The following KLF13 variants were observed in gnomAD, a reference collection of about 807,000 sequenced individuals.
KLF13 encodes Krueppel-like factor 13.
A neutral mutation model predicts 16.7 loss-of-function variants in KLF13; 8 were observed. That is an observed-to-expected ratio of 0.48 (90% CI 0.28 to 0.87). KLF13 has a LOEUF of 0.87. Among genes scored for constraint, KLF13 ranks in the 40% least tolerant of loss-of-function variants. The pLI, the probability that KLF13 is intolerant of heterozygous loss-of-function variation, is 0.10. For missense variants in KLF13, 447 were observed against 452.2 expected (o/e 0.99, Z 0.10); for synonymous variants, 245 against 208.4 (o/e 1.18, Z -1.51).
Position 31,327,551 on chromosome 15 carries a change from G to A in KLF13, c.339G>A (p.Ala113=), listed in dbSNP as rs2140924782. ...PEPTSPGAEG[A]AAAPPSPAWS... ...CCACCTCCCCCGGCGCCGAAGGCGC[G>A]GCGGCCGCGCCCCCCAGCCCGGCGT... The change falls in exon 1 of 2, where the codon GCG becomes GCA. Residue 113 remains alanine, a synonymous_variant. Transcript: ENST00000307145. The A allele has an allele frequency of 1.8e-6, 2 of 1,112,802 alleles. No individual in the cohort carries two copies. Among genetic ancestry groups the A allele is most frequent in the Non-Finnish European group, 2.2e-6 (2 of 910,804 alleles). 68.9% of individuals were successfully genotyped at this position (1,112,802 alleles called of 1,614,324 possible).
At chr15:31,392,130 G>A (rs910579400), upstream of KLF13, among the ~76,000 whole-genome samples, 1 of 152,110 alleles carries the variant, frequency 6.6e-6, no homozygotes, top group Non-Finnish European at 1.5e-5. Context: ...AGGCCCTCGC[G>A]GCCGCCGCAG....
chr15:31,353,573 T>G (rs2039250919), intron 1 of KLF13, among the ~76,000 whole-genome samples: 1 of 152,246 alleles, frequency 6.6e-6, no homozygotes, highest in African/African-American at 2.4e-5. Flanking sequence ...GAGAACAAGC[T>G]GTTGTCCTCA....
intron 1 of KLF13, among the ~76,000 whole-genome samples, chr15:31,424,196 T>TA (rs1291455272): frequency 6.6e-6 from 1 of 152,044 alleles, no homozygotes; most frequent in Non-Finnish European, 1.5e-5. Flanking sequence ...GCAAACTTTT[T>TA]AAAAAATTGA....
intron 1 of KLF13, among the ~76,000 whole-genome samples, chr15:31,328,328 C>T (rs2038759244): frequency 1.3e-5 from 2 of 151,910 alleles, no homozygotes; most frequent in African/African-American, 4.8e-5. Context: ...GCACATTCTT[C>T]GCTCTCTTCT....
intron 1 of KLF13, among the ~76,000 whole-genome samples, chr15:31,348,098 T>C (rs1458954367): frequency 6.6e-6 from 1 of 152,202 alleles, no homozygotes; most frequent in Non-Finnish European, 1.5e-5. Context: ...CCCCAGGTGT[T>C]CTTGCTGGTG....
intron 1 of KLF13, among the ~76,000 whole-genome samples, chr15:31,418,400 T>A (rs2040281764): frequency 6.6e-6 from 1 of 152,088 alleles, no homozygotes; most frequent in Non-Finnish European, 1.5e-5. Context: ...ATTAATGACA[T>A]AGAAAACAAA....
chr15:31,344,121 T>C (rs568954851), intron 1 of KLF13, among the ~76,000 whole-genome samples: 69 of 152,226 alleles, frequency 4.5e-4, no homozygotes, highest in African/African-American at 1.5e-3. Context: ...ACTTAGCAGC[T>C]ACCTCCTGCT....
chr15:31,360,866 T>G (rs1269752201), intron 1 of KLF13, among the ~76,000 whole-genome samples: 3 of 152,194 alleles, frequency 2.0e-5, no homozygotes, highest in Non-Finnish European at 4.4e-5. Flanking sequence ...CTTGCCACAT[T>G]TTTCCTGAGA....
chr15:31,366,458 T>C (rs576738746), intron 1 of KLF13: 1 of 152,394 alleles, frequency 6.6e-6, no homozygotes, highest in East Asian at 1.9e-4. Flanking sequence ...GGAGTGACTC[T>C]GAGATCCGGC....
chr15:31,425,685 T>G (rs2040392115), intron 1 of KLF13, among the ~76,000 whole-genome samples: 1 of 152,300 alleles, frequency 6.6e-6, no homozygotes, highest in African/African-American at 2.4e-5. Flanking sequence ...GAGAGCAGCC[T>G]GGCCAACATG....
intron 1 of KLF13, among the ~76,000 whole-genome samples, chr15:31,333,360 G>A (rs140377499): frequency 6.6e-6 from 1 of 152,306 alleles, no homozygotes; most frequent in Non-Finnish European, 1.5e-5. Context: ...TGCCACTCCT[G>A]TCTGGACCAG....
chr15:31,351,385 A>G (rs898320809), intron 1 of KLF13, among the ~76,000 whole-genome samples: 3 of 152,206 alleles, frequency 2.0e-5, no homozygotes, highest in East Asian at 3.8e-4. Flanking sequence ...ATCATTCCAT[A>G]CAAGTCATTT....
chr15:31,329,424 T>A (rs1260061740), intron 1 of KLF13, among the ~76,000 whole-genome samples: 1 of 151,798 alleles, frequency 6.6e-6, no homozygotes, highest in African/African-American at 2.4e-5. Context: ...GAAATTTTTC[T>A]ACGGCCTCTG....
At chr15:31,352,166 TG>T (rs2039227244) in intron 1 of KLF13, among the ~76,000 whole-genome samples, 1 of 152,196 alleles carries the variant, frequency 6.6e-6, no homozygotes, top group Non-Finnish European at 1.5e-5. Context: ...GCCCCGTACC[TG>T]GGAGCTTCAG....
chr15:31,392,623 C>T (rs1211238632), upstream of KLF13, among the ~76,000 whole-genome samples: 1 of 152,246 alleles, frequency 6.6e-6, no homozygotes, highest in East Asian at 1.9e-4. Flanking sequence ...TCAGGCCTGT[C>T]CTGGGGGTCC....
rs530779603 is a variant in KLF13, at chr15:31,398,675, G to A, written n.530-4753G>A. Among the ~76,000 whole-genome samples, 318 of 152,216 alleles carry A rather than the reference G, an allele frequency of 2.1e-3. 1 individual carries two copies. The highest frequency in any genetic ancestry group is 3.4e-3 in the Middle Eastern group (1 of 294). On this transcript the variant is annotated intron_variant and non_coding_transcript_variant, in intron 2 of 2. Transcript: ENST00000500533. Reference sequence around the variant, plus strand: ...TGTCCCCAGGCACAGTACCACATCAGGAGTGTCTGACTTTGGAGCAGGCCC... The same window carrying A: ...TGTCCCCAGGCACAGTACCACATCAAGAGTGTCTGACTTTGGAGCAGGCCC...
intron 1 of KLF13, among the ~76,000 whole-genome samples, chr15:31,409,833 G>A (rs2040169869): frequency 2.0e-5 from 3 of 152,016 alleles, no homozygotes; most frequent in Non-Finnish European, 4.4e-5. Context: ...AATAAAAACT[G>A]AGAAAATTTT....
At chr15:31,335,597 G>A (rs1052306542) in intron 1 of KLF13, among the ~76,000 whole-genome samples, 3 of 152,102 alleles carry the variant, frequency 2.0e-5, no homozygotes, top group Non-Finnish European at 4.4e-5. Flanking sequence ...AGCACACTTG[G>A]CAGGGGGAGT....
intron 1 of KLF13, among the ~76,000 whole-genome samples, chr15:31,360,439 G>A (rs919651385): frequency 2.0e-5 from 3 of 152,218 alleles, no homozygotes; most frequent in Non-Finnish European, 4.4e-5. Flanking sequence ...TACTAGACCT[G>A]CGGGCAGGGC....
Sources: allele counts gnomAD v4.1 joint callset (sites outside exome capture counted in the v4.1 genomes callset), GRCh38; gene constraint gnomAD v4.1.1; transcripts MANE v1.5; gene names NCBI Gene and HGNC (gene_info 2026-07-23, HGNC 2026-07-21).